Variants in HMG20A observed in about 807,000 individuals in gnomAD.
HMG20A encodes high mobility group 20A, also known as high mobility group protein 20A.
HMG20A carries 17 observed loss-of-function variants against 43.9 expected under a neutral mutation model. That is an observed-to-expected ratio of 0.39 (90% CI 0.27 to 0.58). HMG20A has a LOEUF of 0.58. Ranked by LOEUF, HMG20A falls within the 20% of genes least tolerant of loss-of-function variation. The pLI is 0.59. For missense variants in HMG20A, 341 were observed against 438.2 expected (o/e 0.78, Z 1.98); for synonymous variants, 132 against 147.5 (o/e 0.89, Z 0.76).
downstream of HMG20A, among the ~76,000 whole-genome samples, chr15:77,488,948 G>A (rs2072958832): frequency 6.6e-6 from 1 of 152,118 alleles, no homozygotes; most frequent in Non-Finnish European, 1.5e-5. Context: ...CTCTGAAATT[G>A]GACAACACTG....
chr15:77,453,881 CAG>C (rs2072629582), intron 1 of HMG20A, among the ~76,000 whole-genome samples: 3 of 151,562 alleles, frequency 2.0e-5, no homozygotes, highest in South Asian at 4.2e-4. Context: ...GTTATAAAGA[CAG>C]AAAGTAGGCA....
intron 1 of HMG20A, among the ~76,000 whole-genome samples, chr15:77,455,715 G>A (rs1026713266): frequency 7.9e-5 from 12 of 152,116 alleles, no homozygotes; most frequent in Non-Finnish European, 1.8e-4. Context: ...TAAGTGCTTT[G>A]CATAAAATTT....
intron 1 of HMG20A, among the ~76,000 whole-genome samples, chr15:77,444,730 T>C (rs909977366): frequency 2.6e-5 from 4 of 152,214 alleles, no homozygotes; most frequent in Non-Finnish European, 5.9e-5. Context: ...TCTATGGCTA[T>C]GTGTAACTTT....
downstream of HMG20A, among the ~76,000 whole-genome samples, chr15:77,487,144 C>G (rs572053023): frequency 6.6e-6 from 1 of 152,294 alleles, no homozygotes; most frequent in East Asian, 1.9e-4. Flanking sequence ...AGTCAGGGCC[C>G]TCTAAAGAGT....
chr15:77,474,989 C>T (rs184985877), intron 6 of HMG20A, among the ~76,000 whole-genome samples: 28 of 152,194 alleles, frequency 1.8e-4, no homozygotes, highest in Admixed American at 4.6e-4. Flanking sequence ...CAAGAGTTAG[C>T]GAGTATTACT....
At chr15:77,437,118 A>G (rs2073558014) in intron 1 of HMG20A, among the ~76,000 whole-genome samples, 1 of 152,208 alleles carries the variant, frequency 6.6e-6, no homozygotes, top group Admixed American at 6.5e-5. Flanking sequence ...TCCTTCTTCA[A>G]AGAGGTCCCC....
At chr15:77,472,884 A>G (rs2072822879) in intron 6 of HMG20A, among the ~76,000 whole-genome samples, 1 of 152,214 alleles carries the variant, frequency 6.6e-6, no homozygotes, top group African/African-American at 2.4e-5. Flanking sequence ...GTCTTTGTGG[A>G]CATACACAGT....
At chr15:77,493,551 G>A in the HMG20A span, among the ~76,000 whole-genome samples, 3 of 152,208 alleles carry the variant, frequency 2.0e-5, no homozygotes, top group African/African-American at 7.2e-5. Context: ...CTAGTTTGTG[G>A]TTTTAAAAAC....
At chr15:77,497,682 AGTGT>A in the HMG20A span, among the ~76,000 whole-genome samples, 1,642 of 118,928 alleles carry the variant, frequency 0.014, 16 homozygotes, top group African/African-American at 0.036. Context: ...AGAGAGAGAG[AGTGT>A]GTGTGTGTGT....
chr15:77,497,542 T>C, the HMG20A span, among the ~76,000 whole-genome samples: 1 of 152,190 alleles, frequency 6.6e-6, no homozygotes, highest in Non-Finnish European at 1.5e-5. Context: ...GCTTACAAGC[T>C]TAGACAGAGC....
At chr15:77,476,486 GAA>G (rs148901766) in intron 6 of HMG20A, among the ~76,000 whole-genome samples, 418 of 81,358 alleles carry the variant, frequency 5.1e-3, no homozygotes, top group African/African-American at 0.027. Context: ...CTCCCTCTCA[GAA>G]AAAAAAAAAA....
At chr15:77,446,436 C>CG (rs2073674795) in intron 1 of HMG20A, among the ~76,000 whole-genome samples, 1 of 151,948 alleles carries the variant, frequency 6.6e-6, no homozygotes. Flanking sequence ...AAAAAAAACT[C>CG]GTGTCTCCTC....
At chr15:77,494,298 T>G in the HMG20A span, among the ~76,000 whole-genome samples, 26 of 152,062 alleles carry the variant, frequency 1.7e-4, no homozygotes, top group Non-Finnish European at 3.4e-4. Context: ...CCTGGCTAAT[T>G]TTTCCATGTT....
chr15:77,432,378 A>G (rs1239892678), intron 1 of HMG20A, among the ~76,000 whole-genome samples: 1 of 152,214 alleles, frequency 6.6e-6, no homozygotes, highest in East Asian at 1.9e-4. Context: ...TTAAACCCAA[A>G]GTAAGTAGAA....
chr15:77,505,299 G>T, the HMG20A span, among the ~76,000 whole-genome samples: 1 of 152,242 alleles, frequency 6.6e-6, no homozygotes, highest in Non-Finnish European at 1.5e-5. Flanking sequence ...GAGGTAAAGG[G>T]CCTCAGCCTC....
intron 1 of HMG20A, among the ~76,000 whole-genome samples, chr15:77,437,992 C>G (rs894333500): frequency 1.3e-5 from 2 of 149,146 alleles, no homozygotes. Context: ...CAAGATCTGG[C>G]TCTGTGGCCC....
At chr15:77,478,676 G>A (rs1411324146) in intron 8 of HMG20A, among the ~76,000 whole-genome samples, 166 bp downstream of exon 8, 1 of 152,148 alleles carries the variant, frequency 6.6e-6, no homozygotes, top group Non-Finnish European at 1.5e-5. Flanking sequence ...GTCAGTATTG[G>A]CTAAAATCGT....
the HMG20A span, among the ~76,000 whole-genome samples, chr15:77,505,092 C>A: frequency 6.6e-6 from 1 of 152,166 alleles, no homozygotes; most frequent in Non-Finnish European, 1.5e-5. Context: ...TGATCAAACG[C>A]CTTCCTCTCT....
At chr15:77,477,711 G>A (rs2072869171) in intron 7 of HMG20A, 81 bp downstream of exon 7, 2 of 931,090 alleles carry the variant, frequency 2.1e-6, no homozygotes, top group East Asian at 4.9e-5. Flanking sequence ...TTGCTCAAAA[G>A]CAATGGTAGT....
Sources: allele counts gnomAD v4.1 joint callset (sites outside exome capture counted in the v4.1 genomes callset), GRCh38; gene constraint gnomAD v4.1.1; transcripts MANE v1.5; gene names NCBI Gene and HGNC (gene_info 2026-07-23, HGNC 2026-07-21).